The following HNRNPA1L2 variants were observed in gnomAD, a reference collection of about 807,000 sequenced individuals.
HNRNPA1L2 encodes the protein heterogeneous nuclear ribonucleoprotein A1 like 2.
A neutral mutation model predicts 18.2 loss-of-function variants in HNRNPA1L2; 10 were observed. The ratio of observed to expected loss-of-function variants is 0.55; its 90% CI spans 0.34 to 0.93. The LOEUF is 0.93. Ranked by LOEUF, HNRNPA1L2 falls within the 40% of genes least tolerant of loss-of-function variation. The pLI is 0.02. For missense variants in HNRNPA1L2, 308 were observed against 394.4 expected, an observed-to-expected ratio of 0.78 and a Z score of 1.85; for synonymous variants, 124 against 138.6, an observed-to-expected ratio of 0.89 and a Z score of 0.74.
chr13:52,639,882 T>G (rs1370751862), upstream of HNRNPA1L2, among the ~76,000 whole-genome samples: 4 of 112,258 alleles, frequency 3.6e-5, no homozygotes, highest in East Asian at 2.2e-4. Flanking sequence ...TCTTGTTTTT[T>G]TTTTTTTTTT....
chr13:52,633,213 A>G, the HNRNPA1L2 span, among the ~76,000 whole-genome samples: 1 of 152,252 alleles, frequency 6.6e-6, no homozygotes, highest in East Asian at 1.9e-4. Flanking sequence ...GTCCCTAGGC[A>G]GCTTGCTATC....
At chr13:52,618,962 C>A in the HNRNPA1L2 span, among the ~76,000 whole-genome samples, 533 of 152,302 alleles carry the variant, frequency 3.5e-3, 2 homozygotes, top group African/African-American at 0.012. Context: ...ATGTGAGATT[C>A]ATTCCCCTGA....
rs1488127944 is a variant in HNRNPA1L2, at chr13:52,643,500, A to C, written c.*45A>C. The C allele has an allele frequency of 6.6e-7, 1 of 1,507,850 alleles. No individual in the cohort carries two copies. Among genetic ancestry groups the C allele is most frequent in the Non-Finnish European group, 9.1e-7 (1 of 1,101,336 alleles). The allele number at this position is 1,507,850 out of a possible 1,614,324, so 93.4% of individuals were successfully genotyped here. A position where few individuals can be genotyped will look rare whatever the true frequency, so the allele number is the denominator to read the frequency against. On this transcript the variant is annotated 3_prime_UTR_variant, in exon 1 of 1. Transcript: ENST00000357495. ...AGGAGAGGAGAGCCAGAGAAGTGAC[A>C]GGGAAGCTACAGGTTACAACAGATT... is the stretch of plus-strand genomic sequence containing the variant.
the HNRNPA1L2 span, among the ~76,000 whole-genome samples, chr13:52,634,670 T>C: frequency 1.3e-5 from 2 of 152,226 alleles, no homozygotes; most frequent in South Asian, 4.1e-4. Flanking sequence ...TTCTGTTCCA[T>C]GATTCCCACT....
At chr13:52,624,592 G>T in the HNRNPA1L2 span, among the ~76,000 whole-genome samples, 1 of 152,146 alleles carries the variant, frequency 6.6e-6, no homozygotes, top group African/African-American at 2.4e-5. Context: ...CTCTGTATGC[G>T]TAGGTTCTGC....
At chr13:52,629,769 A>G in the HNRNPA1L2 span, among the ~76,000 whole-genome samples, 1 of 152,218 alleles carries the variant, frequency 6.6e-6, no homozygotes, top group Non-Finnish European at 1.5e-5. Flanking sequence ...TACACCTTAG[A>G]GAAATGACCC....
rs937279200 is a variant in HNRNPA1L2 at position 52,643,132 on chromosome 13, G to A, written c.640G>A (p.Asp214Asn). 2 of 1,597,944 alleles carry A rather than the reference G, an allele frequency of 1.3e-6. No homozygotes were observed. The highest frequency in any genetic ancestry group is 2.7e-5 in the African/African-American group (2 of 74,860). ...TCGTGGAGATGGTTTCGGTGGGAAT[G>A]ACAACTTTGGTCGTGGAGGAAACTT... is the stretch of plus-strand genomic sequence containing the variant. Reference protein sequence around the residue: ...GGRGDGFGGNDNFGRGGNFSG... With the variant: ...GGRGDGFGGNNNFGRGGNFSG... The change falls in exon 1 of 1, where the codon GAC (aspartate) becomes AAC (asparagine). Residue 214 changes from aspartate (D) to asparagine (N), a missense_variant. Coordinates refer to ENST00000357495, the MANE Select transcript of HNRNPA1L2 (RefSeq NM_001389320.1).
the HNRNPA1L2 span, among the ~76,000 whole-genome samples, chr13:52,630,936 C>T: frequency 2.6e-5 from 4 of 152,014 alleles, no homozygotes; most frequent in South Asian, 4.2e-4. Context: ...GCAGCTACAT[C>T]GGGATGGCAT....
the HNRNPA1L2 span, among the ~76,000 whole-genome samples, chr13:52,635,302 A>G: frequency 1.3e-5 from 2 of 152,174 alleles, no homozygotes; most frequent in Admixed American, 1.3e-4. Flanking sequence ...AAGTGTGTAA[A>G]CAGGTAGAGT....
At position 52,642,634 on chromosome 13, in the gene HNRNPA1L2, G is replaced by C; in HGVS notation, c.142G>C (p.Asp48His). ...GCTCACAGACTGTGTGGTAATGAGA[G>C]ATCCAAACACCAAGCGCTCCAGGGG... ...GTLTDCVVMRDPNTKRSRGFG... is the reference protein window; with the variant it reads ...GTLTDCVVMRHPNTKRSRGFG... Residue 48 changes from aspartate (D) to histidine (H), a missense_variant, in exon 1 of 1, where the codon GAT becomes CAT. Asp to His is a moderately conservative substitution (Grantham distance 81). Transcript: ENST00000357495. 3 of 1,611,874 alleles carry C rather than the reference G, an allele frequency of 1.9e-6. No individual in the cohort carries two copies. Among genetic ancestry groups the C allele is most frequent in the Non-Finnish European group, 2.5e-6 (3 of 1,179,854 alleles).
Position 52,642,722 on chromosome 13 carries a change from A to G in HNRNPA1L2, c.230A>G (p.His77Arg), listed in dbSNP as rs373926075. The change falls in exon 1 of 1, where the codon CAC (histidine) becomes CGC (arginine). Residue 77 changes from histidine (H) to arginine (R), a missense_variant. By Grantham distance (29) the His-to-Arg change is conservative. Coordinates refer to ENST00000357495, the MANE Select transcript of HNRNPA1L2 (RefSeq NM_001389320.1). ...EVDAAMNTTP[H>R]KVDGRVVEPK... ...GATGCAGCTATGAATACAACGCCAC[A>G]CAAGGTGGATGGAAGAGTTGTGGAA... 2 of 1,603,286 alleles carry G rather than the reference A, an allele frequency of 1.2e-6. No individual in the cohort carries two copies. Among genetic ancestry groups the G allele is most frequent in the African/African-American group, 2.7e-5 (2 of 74,870 alleles).
the HNRNPA1L2 span, among the ~76,000 whole-genome samples, chr13:52,625,865 C>G: frequency 2.0e-5 from 3 of 152,084 alleles, no homozygotes; most frequent in Non-Finnish European, 4.4e-5. Context: ...GCAGCCTCAA[C>G]CTCCCAGGCT....
upstream of HNRNPA1L2, among the ~76,000 whole-genome samples, chr13:52,638,222 T>G (rs915998950): frequency 1.3e-5 from 2 of 152,196 alleles, no homozygotes; most frequent in African/African-American, 4.8e-5. Flanking sequence ...ACCAAGAAAT[T>G]AAAAATCCTG....
chr13:52,626,426 T>TA, the HNRNPA1L2 span, among the ~76,000 whole-genome samples: 503 of 130,826 alleles, frequency 3.8e-3, no homozygotes, highest in African/African-American at 7.6e-3. Context: ...TCCCATCTCT[T>TA]AAAAAAAAAA....
chr13:52,631,656 TAGAGA>T, the HNRNPA1L2 span, among the ~76,000 whole-genome samples: 2 of 152,210 alleles, frequency 1.3e-5, no homozygotes, highest in African/African-American at 4.8e-5. Flanking sequence ...TTCTATTTAG[TAGAGA>T]AAAGTAGTTT....
chr13:52,632,578 G>A, the HNRNPA1L2 span: 9,399 of 152,992 alleles, frequency 0.061, 332 homozygotes, highest in African/African-American at 0.095. Context: ...TGTAATAGTT[G>A]GATATTTTAA....
At chr13:52,625,242 G>A in the HNRNPA1L2 span, among the ~76,000 whole-genome samples, 2 of 151,770 alleles carry the variant, frequency 1.3e-5, no homozygotes, top group Admixed American at 1.3e-4. Context: ...AGCCTCCTGA[G>A]TAGCTGGGAT....
the HNRNPA1L2 span, among the ~76,000 whole-genome samples, chr13:52,618,612 C>T: frequency 5.9e-5 from 9 of 152,072 alleles, no homozygotes; most frequent in African/African-American, 9.7e-5. Flanking sequence ...GTATCCTTAA[C>T]GTTAGCAGAA....
chr13:52,621,861 A>G, the HNRNPA1L2 span: 1 of 151,668 alleles, frequency 6.6e-6, no homozygotes, highest in South Asian at 2.1e-4. Flanking sequence ...TGCTGCTGCT[A>G]TGGTTGTTAA....
Sources: gnomAD v4.1 joint callset for allele counts (sites outside exome capture counted in the v4.1 genomes callset) on GRCh38, gnomAD v4.1.1 for gene constraint, MANE v1.5 for transcripts, NCBI Gene and HGNC (gene_info 2026-07-23, HGNC 2026-07-21) for gene names.